The following CHN1 variants were observed in gnomAD, a reference collection of about 807,000 sequenced individuals.
The protein encoded by CHN1 is N-chimaerin.
A neutral mutation model predicts 59.5 loss-of-function variants in CHN1; 37 were observed. That is an observed-to-expected ratio of 0.62 (90% CI 0.48 to 0.82). The LOEUF is 0.82. Among genes scored for constraint, CHN1 ranks in the 40% least tolerant of loss-of-function variants. CHN1 has a pLI of 0.00. For missense variants in CHN1, 469 were observed against 571.0 expected, an observed-to-expected ratio of 0.82 and a Z score of 1.82; for synonymous variants, 206 against 200.4, an observed-to-expected ratio of 1.03 and a Z score of -0.24.
intron 1 of CHN1, among the ~76,000 whole-genome samples, chr2:174,992,631 A>G (rs912295534): frequency 6.6e-6 from 1 of 152,232 alleles, no homozygotes; most frequent in Non-Finnish European, 1.5e-5. Context: ...ATAAGATGAC[A>G]CTTGTGACAA....
At chr2:174,801,434 G>A (rs1684718207) in intron 12 of CHN1, among the ~76,000 whole-genome samples, 1 of 152,190 alleles carries the variant, frequency 6.6e-6, no homozygotes, top group Non-Finnish European at 1.5e-5. Flanking sequence ...ATTAGTGCAT[G>A]TCCTTGGCAG....
chr2:174,842,894 T>C (rs934263165), intron 7 of CHN1, among the ~76,000 whole-genome samples: 1 of 152,240 alleles, frequency 6.6e-6, no homozygotes, highest in Non-Finnish European at 1.5e-5. Flanking sequence ...AATCTATTAA[T>C]ACAATATCTT....
At chr2:174,817,068 C>T (rs562342046) in intron 8 of CHN1, among the ~76,000 whole-genome samples, 8 of 152,274 alleles carry the variant, frequency 5.3e-5, no homozygotes, top group African/African-American at 1.9e-4. Context: ...GTCCTCTTCC[C>T]ACTGGGTCAC....
At chr2:174,956,899 T>C (rs1185865425) in intron 1 of CHN1, among the ~76,000 whole-genome samples, 1 of 152,184 alleles carries the variant, frequency 6.6e-6, no homozygotes, top group Non-Finnish European at 1.5e-5. Flanking sequence ...CCTCGAACAC[T>C]GAATTTAGCA....
chr2:174,952,998 A>G (rs1690072470), intron 1 of CHN1, among the ~76,000 whole-genome samples: 1 of 152,156 alleles, frequency 6.6e-6, no homozygotes, highest in African/African-American at 2.4e-5. Flanking sequence ...ATAGCTGGGG[A>G]CTAATTTTTG....
intron 11 of CHN1, among the ~76,000 whole-genome samples, chr2:174,806,103 T>G (rs1471888405): frequency 6.6e-6 from 1 of 151,986 alleles, no homozygotes; most frequent in East Asian, 1.9e-4. Flanking sequence ...CCTTTTATTC[T>G]AGGGCAGCAA....
At chr2:174,967,802 TC>T (rs1004698532) in intron 1 of CHN1, among the ~76,000 whole-genome samples, 1 of 152,236 alleles carries the variant, frequency 6.6e-6, no homozygotes. Flanking sequence ...ATGATGTTTT[TC>T]TTCTTGCTAT....
At chr2:174,823,210 ATACTT>A (rs900701787) in intron 8 of CHN1, among the ~76,000 whole-genome samples, 8 of 152,246 alleles carry the variant, frequency 5.3e-5, no homozygotes, top group African/African-American at 1.9e-4. Context: ...CCATTTTGAA[ATACTT>A]TACTTAGTAT....
At chr2:174,993,045 C>T (rs2105465210) in intron 1 of CHN1, among the ~76,000 whole-genome samples, 1 of 152,270 alleles carries the variant, frequency 6.6e-6, no homozygotes, top group East Asian at 1.9e-4. Context: ...CAGCTTCAGC[C>T]TCCCAAACTG....
At chr2:174,822,518 C>T (rs148349639) in intron 8 of CHN1, among the ~76,000 whole-genome samples, 171 of 152,256 alleles carry the variant, frequency 1.1e-3, no homozygotes, top group African/African-American at 4.0e-3. Flanking sequence ...ACAATATACA[C>T]CCTTACTCAT....
intron 3 of CHN1, among the ~76,000 whole-genome samples, chr2:174,935,427 A>C (rs1057320884): frequency 1.3e-5 from 2 of 152,218 alleles, no homozygotes; most frequent in Admixed American, 6.5e-5. Flanking sequence ...TTTGTAAGCC[A>C]TATTATAAGA....
At chr2:174,873,295 G>A (rs954513046) in intron 6 of CHN1, among the ~76,000 whole-genome samples, 1 of 152,092 alleles carries the variant, frequency 6.6e-6, no homozygotes, top group Non-Finnish European at 1.5e-5. Flanking sequence ...AGGGTTAAGA[G>A]GGAGAAGAAC....
At position 175,005,156 on chromosome 2, in the gene CHN1, G is replaced by A. The variant is rs1018974508; in HGVS notation, c.-244C>T. On this transcript the variant is annotated 5_prime_UTR_variant, in exon 1 of 13. Transcript: ENST00000409900. Reference sequence around the variant, plus strand: ...GAGCCCCGCTAGCTCTCCGCGAGCCGGCACTTGTCGCTGCCATCAGGCGCG... The same window carrying A: ...GAGCCCCGCTAGCTCTCCGCGAGCCAGCACTTGTCGCTGCCATCAGGCGCG... The A allele has an allele frequency of 2.3e-6, 3 of 1,284,022 alleles. No homozygotes were observed. Among genetic ancestry groups the A allele is most frequent in the Non-Finnish European group, 3.0e-6 (3 of 1,013,534 alleles). 79.5% of individuals were successfully genotyped at this position (1,284,022 alleles called of 1,614,324 possible).
At chr2:174,980,432 A>G (rs1574238158) in intron 1 of CHN1, among the ~76,000 whole-genome samples, 1 of 152,316 alleles carries the variant, frequency 6.6e-6, no homozygotes, top group African/African-American at 2.4e-5. Context: ...CAGAACATAA[A>G]AATACCCAGA....
intron 7 of CHN1, among the ~76,000 whole-genome samples, chr2:174,835,456 A>G (rs1686041548): frequency 6.6e-6 from 1 of 152,076 alleles, no homozygotes; most frequent in Non-Finnish European, 1.5e-5. Flanking sequence ...TTTGGTCACT[A>G]TAGCTTTAAA....
At chr2:174,816,649 T>C (rs974920002) in intron 8 of CHN1, among the ~76,000 whole-genome samples, 4 of 152,124 alleles carry the variant, frequency 2.6e-5, no homozygotes, top group Admixed American at 2.6e-4. Flanking sequence ...CGCTGCTAGG[T>C]TGTTTCTGGA....
At position 174,976,126 on chromosome 2, in the gene CHN1, CAAAAAAAAAAAAA is replaced by C. The variant is rs71031078; in HGVS notation, c.20-23937_20-23925del. ...GGGCCAACAGGGCAAGACTCCGTCT[CAAAAAAAAAAAAA>C]AAAAAAAAAAAAAAAGGACTAAGAT... On this transcript the variant is annotated intron_variant, in intron 1 of 12. Coordinates refer to ENST00000409900, the MANE Select transcript of CHN1 (RefSeq NM_001822.7). 4.0e-4 allele frequency among the ~76,000 whole-genome samples: 20 copies of C among 50,188 alleles called. No individual in the cohort carries two copies. In the South Asian group the frequency reaches 4.4e-3, roughly 11 times the overall value. The allele number at this position is 50,188 out of a possible 152,430, so 32.9% of individuals were successfully genotyped here.
intron 2 of CHN1, among the ~76,000 whole-genome samples, chr2:174,948,979 T>G (rs904522343): frequency 3.3e-5 from 5 of 152,210 alleles, no homozygotes; most frequent in African/African-American, 7.2e-5. Flanking sequence ...GGCCTAAGAT[T>G]GTCATGGCTC....
intron 8 of CHN1, among the ~76,000 whole-genome samples, chr2:174,814,000 G>T (rs1685159120): frequency 6.6e-6 from 1 of 152,206 alleles, no homozygotes; most frequent in Non-Finnish European, 1.5e-5. Flanking sequence ...AGTGGTAACA[G>T]TTAACAGAGA....
Sources: gnomAD v4.1 joint callset for allele counts (sites outside exome capture counted in the v4.1 genomes callset) on GRCh38, gnomAD v4.1.1 for gene constraint, MANE v1.5 for transcripts, NCBI Gene and HGNC (gene_info 2026-07-23, HGNC 2026-07-21) for gene names.